Variants in CXCL13 observed in about 807,000 individuals in gnomAD.
CXCL13 encodes C-X-C motif chemokine 13.
Under a neutral mutation model 12.2 loss-of-function variants are expected in CXCL13, and 7 were observed. The observed-to-expected ratio is 0.57, with a 90% CI of 0.33 to 1.07. The LOEUF (loss-of-function observed/expected upper bound fraction) is 1.07. Among genes scored for constraint, CXCL13 ranks in the 50% least tolerant of loss-of-function variants. The pLI is 0.04. For synonymous variants in CXCL13, 47 were observed against 42.4 expected, an observed-to-expected ratio of 1.11 and a Z score of -0.42; for missense variants, 113 against 127.4, an observed-to-expected ratio of 0.89 and a Z score of 0.55.
chr4:77,606,397 T>C (rs769277585), intron 1 of CXCL13, among the ~76,000 whole-genome samples: 4 of 152,252 alleles, frequency 2.6e-5, no homozygotes, highest in Non-Finnish European at 4.4e-5. Context: ...CAGGGGTATT[T>C]ACACACATTC....
At chr4:77,564,471 GCAAA>G (rs1560527464) in intron 1 of CXCL13, among the ~76,000 whole-genome samples, 2 of 152,204 alleles carry the variant, frequency 1.3e-5, no homozygotes, top group Non-Finnish European at 2.9e-5. Context: ...TCTGCATTAG[GCAAA>G]CAAACAGATT....
chr4:77,544,593 G>C (rs1002401348), intron 1 of CXCL13, among the ~76,000 whole-genome samples: 1 of 152,112 alleles, frequency 6.6e-6, no homozygotes, highest in Admixed American at 6.6e-5. Context: ...TGATGGGGTT[G>C]TTTGATTTTT....
upstream of CXCL13, among the ~76,000 whole-genome samples, chr4:77,605,184 C>T (rs997152389): frequency 6.6e-6 from 1 of 152,176 alleles, no homozygotes; most frequent in Non-Finnish European, 1.5e-5. Flanking sequence ...TCCCTTCATG[C>T]AGACACAGGC....
At chr4:77,565,233 A>C (rs1292081231) in intron 1 of CXCL13, among the ~76,000 whole-genome samples, 1 of 152,264 alleles carries the variant, frequency 6.6e-6, no homozygotes, top group Admixed American at 6.5e-5. Context: ...ACAGCTAAAA[A>C]TACACTATAA....
intron 1 of CXCL13, among the ~76,000 whole-genome samples, chr4:77,539,679 C>T (rs375040326): frequency 6.6e-5 from 10 of 152,144 alleles, no homozygotes; most frequent in Admixed American, 3.3e-4. Context: ...TGCTTGAACC[C>T]GCTCACCCAA....
At chr4:77,569,669 A>C (rs1272856936) in intron 1 of CXCL13, among the ~76,000 whole-genome samples, 1 of 152,230 alleles carries the variant, frequency 6.6e-6, no homozygotes, top group East Asian at 1.9e-4. Context: ...ACGGATAGGA[A>C]GAATCAATAT....
At chr4:77,527,461 A>G (rs1039138287) in intron 1 of CXCL13, among the ~76,000 whole-genome samples, 1 of 152,006 alleles carries the variant, frequency 6.6e-6, no homozygotes, top group Non-Finnish European at 1.5e-5. Context: ...GTGAAACCCC[A>G]TCTCTACAGA....
chr4:77,565,982 C>T (rs1370742701), intron 1 of CXCL13, among the ~76,000 whole-genome samples: 1 of 152,178 alleles, frequency 6.6e-6, no homozygotes, highest in East Asian at 1.9e-4. Context: ...AGGATAGGAA[C>T]CTGGTTTTCT....
chr4:77,600,997 G>T (rs1196449160), upstream of CXCL13, among the ~76,000 whole-genome samples: 1 of 152,128 alleles, frequency 6.6e-6, no homozygotes, highest in Non-Finnish European at 1.5e-5. Context: ...TCAGCACACA[G>T]GCAGGGTCTT....
intron 1 of CXCL13, among the ~76,000 whole-genome samples, chr4:77,559,292 G>T (rs1205697703): frequency 3.3e-5 from 5 of 152,172 alleles, no homozygotes; most frequent in African/African-American, 1.2e-4. Flanking sequence ...ACTGGGCAGA[G>T]GAAGAAATTG....
At chr4:77,597,720 A>G (rs1160974573) in intron 1 of CXCL13, among the ~76,000 whole-genome samples, 1 of 152,144 alleles carries the variant, frequency 6.6e-6, no homozygotes, top group Non-Finnish European at 1.5e-5. Flanking sequence ...AGAATGGTGG[A>G]AGTGCACAAA....
At chr4:77,543,844 C>A (rs1725280232) in intron 1 of CXCL13, among the ~76,000 whole-genome samples, 1 of 152,032 alleles carries the variant, frequency 6.6e-6, no homozygotes, top group East Asian at 1.9e-4. Flanking sequence ...GTGTGCTGCA[C>A]CCACTAACTC....
rs1167559263 is a variant in CXCL13 at position 77,554,856 on chromosome 4, A to G, written c.-43+43068A>G. On this transcript the variant is annotated intron_variant, in intron 1 of 4. Transcript: ENST00000286758. The stretch of plus-strand genomic sequence containing the variant: ...TGTATTATAGATCATATCACAAAGA[A>G]TATGAGGATATATTTTTACCTAAAT... 2.0e-5 allele frequency among the ~76,000 whole-genome samples: 3 copies of G among 152,116 alleles called. No individual in the cohort carries two copies. The East Asian group carries it at 5.8e-4, about 29-fold the overall frequency.
At chr4:77,545,083 T>A (rs1467101571) in intron 1 of CXCL13, among the ~76,000 whole-genome samples, 1 of 152,196 alleles carries the variant, frequency 6.6e-6, no homozygotes, top group Non-Finnish European at 1.5e-5. Flanking sequence ...TTCTGAGGGC[T>A]CTCTTCTGTT....
chr4:77,519,292 G>A lies in CXCL13; in HGVS notation c.-43+7504G>A, dbSNP rs374397463. On this transcript the variant is annotated intron_variant, in intron 1 of 4. Transcript: ENST00000286758. ...TGCCCGTTCTCAGATCTCCAGCTGC[G>A]TGCTGGGAGAACCACTGTTCTCTTC... Among the ~76,000 whole-genome samples the A allele has an allele frequency of 4.4e-4, 67 of 152,324 alleles. 1 individual carries two copies. The highest frequency in any genetic ancestry group is 2.7e-3 in the East Asian group (14 of 5,182).
At chr4:77,595,788 C>T (rs1057029656) in intron 1 of CXCL13, among the ~76,000 whole-genome samples, 2 of 152,190 alleles carry the variant, frequency 1.3e-5, no homozygotes, top group African/African-American at 4.8e-5. Flanking sequence ...GCTGTTCTGT[C>T]ACCCTGAGCC....
At chr4:77,541,751 A>T (rs1472510734) in intron 1 of CXCL13, among the ~76,000 whole-genome samples, 1 of 152,200 alleles carries the variant, frequency 6.6e-6, no homozygotes, top group East Asian at 1.9e-4. Context: ...AGTTCTGTGA[A>T]AAATTAAATT....
chr4:77,610,721 A>C, intron 3 of CXCL13, 27 bp downstream of exon 3: 1 of 1,528,696 alleles, frequency 6.5e-7, no homozygotes, highest in Non-Finnish European at 9.1e-7. Flanking sequence ...AAGGGGTTTC[A>C]GATTCCAACT....
intron 1 of CXCL13, among the ~76,000 whole-genome samples, chr4:77,525,014 G>C (rs1463285281): frequency 6.6e-6 from 1 of 152,222 alleles, no homozygotes; most frequent in Non-Finnish European, 1.5e-5. Flanking sequence ...GTGTTGGGTG[G>C]TGAGGCCTAA....
Sources: allele counts gnomAD v4.1 joint callset (sites outside exome capture counted in the v4.1 genomes callset), GRCh38; gene constraint gnomAD v4.1.1; transcripts MANE v1.5; gene names NCBI Gene and HGNC (gene_info 2026-07-23, HGNC 2026-07-21).